Variants in ELF1 observed in about 807,000 individuals in gnomAD.
ELF1 encodes ETS-related transcription factor Elf-1.
A neutral mutation model predicts 59.9 loss-of-function variants in ELF1; 24 were observed. The observed-to-expected ratio is 0.40, with a 90% CI of 0.29 to 0.56. ELF1 has a LOEUF of 0.56. Among genes scored for constraint, ELF1 ranks in the 20% least tolerant of loss-of-function variants. The pLI is 0.44. For synonymous variants in ELF1, 248 were observed against 266.2 expected (o/e 0.93, Z 0.67); for missense variants, 627 against 742.2 (o/e 0.84, Z 1.80).
Position 41,030,523 on chromosome 13 carries a change from A to T in ELF1, c.-229+30315T>A, listed in dbSNP as rs558887625. Among the ~76,000 whole-genome samples, 4 of 152,292 alleles carry T rather than the reference A, an allele frequency of 2.6e-5. No individual in the cohort carries two copies. The South Asian group carries it at 8.3e-4, about 32-fold the overall frequency. On this transcript the variant is annotated intron_variant, in intron 1 of 1. Transcript: ENST00000405737. ...TTTGGGAGACTAAGGTAGGAGGATC[A>T]CTTGAGCCCAGAAGTTTAAGACCAG...
chr13:40,983,868 A>G (rs182807865), intron 1 of ELF1, among the ~76,000 whole-genome samples: 1 of 152,074 alleles, frequency 6.6e-6, no homozygotes, highest in Non-Finnish European at 1.5e-5. Flanking sequence ...AACTTCTGTT[A>G]TTTCCTATGC....
At chr13:41,002,550 A>T (rs954705009) in intron 1 of ELF1, among the ~76,000 whole-genome samples, 11 of 4,152 alleles carry the variant, frequency 2.6e-3, no homozygotes, top group Admixed American at 0.013. Flanking sequence ...CTGAGGTTAG[A>T]GCCACTTGCA....
rs536954298 is a variant in ELF1, at chr13:41,042,580, T to C, written c.-229+18258A>G. Among the ~76,000 whole-genome samples the C allele has an allele frequency of 1.2e-3, 181 of 152,258 alleles. 1 individual carries two copies. Among genetic ancestry groups the C allele is most frequent in the Non-Finnish European group, 2.2e-3 (147 of 68,022 alleles). On this transcript the variant is annotated intron_variant, in intron 1 of 1. Transcript: ENST00000405737. ...GGTGTTTGGTTTTTTGTCCTTGCGATAGTTTGCTGAGAATGATGGTTTCCA... is the reference window on the plus strand; with the variant it reads ...GGTGTTTGGTTTTTTGTCCTTGCGACAGTTTGCTGAGAATGATGGTTTCCA...
intron 1 of ELF1, among the ~76,000 whole-genome samples, chr13:41,038,993 A>G (rs998509486): frequency 5.5e-5 from 8 of 144,754 alleles, no homozygotes; most frequent in Admixed American, 2.8e-4. Flanking sequence ...AGTCTGGGTG[A>G]CAGAGACTTT....
rs374182057 is a variant in ELF1 at position 40,982,044 on chromosome 13, A to G, written c.11T>C (p.Val4Ala). The G allele has an allele frequency of 1.2e-6, 2 of 1,612,242 alleles. No individual in the cohort carries two copies. Among genetic ancestry groups the G allele is most frequent in the Non-Finnish European group, 1.7e-6 (2 of 1,179,158 alleles). ...AAATACTAGGTCGTTCTGTTGGACA[A>G]CAGCAGCCATAATAAAGCATTCCCC... MAA[V>A]VQQNDLVFEF... is the part of the protein sequence containing the mutation. The change falls in exon 2 of 9, where the codon GTT becomes GCT. Residue 4 changes from valine to alanine, a missense_variant. By Grantham distance (64) the Val-to-Ala change is moderately conservative. Coordinates refer to ENST00000239882, the MANE Select transcript of ELF1 (RefSeq NM_172373.4).
intron 2 of ELF1, among the ~76,000 whole-genome samples, chr13:40,981,234 A>G (rs955327891): frequency 6.6e-6 from 1 of 151,984 alleles, no homozygotes; most frequent in Admixed American, 6.6e-5. Context: ...CACGTACACT[A>G]TTTCTCCCAT....
At chr13:41,021,431 A>G (rs1875685871), upstream of ELF1, among the ~76,000 whole-genome samples, 3 of 152,126 alleles carry the variant, frequency 2.0e-5, no homozygotes, top group South Asian at 2.1e-4. Context: ...GCATTATTCT[A>G]TCACCTACAG....
chr13:41,046,550 G>A (rs1189306252), intron 1 of ELF1, among the ~76,000 whole-genome samples: 1 of 152,166 alleles, frequency 6.6e-6, no homozygotes, highest in African/African-American at 2.4e-5. Context: ...ATGAAGCTTA[G>A]TTTGGCTGGA....
At chr13:40,974,157 T>C (rs1487266407) in intron 2 of ELF1, among the ~76,000 whole-genome samples, 1 of 151,594 alleles carries the variant, frequency 6.6e-6, no homozygotes, top group Non-Finnish European at 1.5e-5. Flanking sequence ...TTTAAGTAGA[T>C]GGATTATATG....
At chr13:40,974,617 C>T (rs1454788003) in intron 2 of ELF1, among the ~76,000 whole-genome samples, 4 of 152,178 alleles carry the variant, frequency 2.6e-5, no homozygotes, top group African/African-American at 9.7e-5. Context: ...CTGAAAGTTT[C>T]TGAAGCCCAT....
intron 2 of ELF1, among the ~76,000 whole-genome samples, chr13:40,962,381 T>C (rs757500802): frequency 8.5e-5 from 13 of 152,126 alleles, no homozygotes; most frequent in Admixed American, 3.9e-4. Flanking sequence ...TTGAAGTCTT[T>C]GGGATTAAAA....
intron 3 of ELF1, among the ~76,000 whole-genome samples, chr13:40,952,525 C>A (rs980861715): frequency 1.3e-5 from 2 of 151,906 alleles, no homozygotes; most frequent in African/African-American, 2.4e-5. Context: ...CCATGCCCAG[C>A]TAATTTTTAA....
At chr13:41,053,744 C>T (rs1877185010) in intron 1 of ELF1, among the ~76,000 whole-genome samples, 1 of 152,182 alleles carries the variant, frequency 6.6e-6, no homozygotes, top group African/African-American at 2.4e-5. Context: ...TTGCAGTGAG[C>T]AAATAAGTAT....
At chr13:40,992,818 G>A (rs1446724278) in intron 1 of ELF1, 1 of 496,350 alleles carries the variant, frequency 2.0e-6, no homozygotes, top group Non-Finnish European at 3.6e-6. Flanking sequence ...AGGATTAGGA[G>A]CCAACAAATT....
intron 1 of ELF1, among the ~76,000 whole-genome samples, chr13:41,055,565 T>C (rs908138177): frequency 2.6e-5 from 4 of 152,084 alleles, no homozygotes; most frequent in Admixed American, 2.6e-4. Flanking sequence ...AACTATGTAT[T>C]GTATCATAAT....
At chr13:41,047,705 A>T (rs112024878) in intron 1 of ELF1, among the ~76,000 whole-genome samples, 1,805 of 152,292 alleles carry the variant, frequency 0.012, 44 homozygotes, top group African/African-American at 0.04. Context: ...GGTGCCTCCC[A>T]GTTAGGCTAC....
intron 1 of ELF1, among the ~76,000 whole-genome samples, chr13:41,012,099 G>A (rs938624228): frequency 6.6e-6 from 1 of 151,972 alleles, no homozygotes; most frequent in Non-Finnish European, 1.5e-5. Flanking sequence ...TTCAGGTCAG[G>A]AATTCAAGAC....
At chr13:40,970,164 T>C (rs912142247) in intron 2 of ELF1, among the ~76,000 whole-genome samples, 4 of 152,112 alleles carry the variant, frequency 2.6e-5, no homozygotes. Context: ...AACAAACAAA[T>C]CAAGTGTCGT....
intron 1 of ELF1, among the ~76,000 whole-genome samples, chr13:40,996,741 A>G (rs1318814396): frequency 1.3e-5 from 2 of 151,968 alleles, no homozygotes; most frequent in Admixed American, 1.3e-4. Flanking sequence ...TTTCCTCTCA[A>G]TTTTACTGTG....
Sources: allele counts gnomAD v4.1 joint callset (sites outside exome capture counted in the v4.1 genomes callset), GRCh38; gene constraint gnomAD v4.1.1; transcripts MANE v1.5; gene names NCBI Gene and HGNC (gene_info 2026-07-23, HGNC 2026-07-21).